Variants in C5orf63 observed in about 807,000 individuals in gnomAD.
The protein encoded by C5orf63 is chromosome 5 open reading frame 63.
In C5orf63, 18 loss-of-function variants were observed where a neutral mutation model predicts 13.3. The ratio of observed to expected loss-of-function variants is 1.36; its 90% CI spans 0.94 to 2.01. C5orf63 has a LOEUF of 2.01. Among genes scored for constraint, C5orf63 ranks in the 30% most tolerant of loss-of-function variants. The probability of loss-of-function intolerance (pLI) is 0.00; values close to 1 mark genes in which losing one functional copy is unlikely to be tolerated. For synonymous variants in C5orf63, 38 were observed against 44.7 expected, an observed-to-expected ratio of 0.85 and a Z score of 0.60; for missense variants, 118 against 127.7, an observed-to-expected ratio of 0.92 and a Z score of 0.36.
intron 3 of C5orf63, among the ~76,000 whole-genome samples, chr5:127,053,541 G>A (rs1340910137): frequency 6.6e-6 from 1 of 151,998 alleles, no homozygotes; most frequent in Non-Finnish European, 1.5e-5. Flanking sequence ...CCATCAACTA[G>A]TCATTTACAT....
chr5:127,055,780 A>C (rs1375659864), intron 3 of C5orf63, among the ~76,000 whole-genome samples: 1 of 152,218 alleles, frequency 6.6e-6, no homozygotes, highest in Non-Finnish European at 1.5e-5. Flanking sequence ...AATTGTGCTA[A>C]AATTTTGCTT....
At chr5:127,054,403 T>C (rs1753799503) in intron 3 of C5orf63, among the ~76,000 whole-genome samples, 1 of 152,150 alleles carries the variant, frequency 6.6e-6, no homozygotes, top group Admixed American at 6.5e-5. Context: ...ACCTGTTGTT[T>C]CCTGCCTTTT....
intron 2 of C5orf63, among the ~76,000 whole-genome samples, chr5:127,065,838 T>C (rs1000244463): frequency 6.6e-6 from 1 of 152,162 alleles, no homozygotes; most frequent in Non-Finnish European, 1.5e-5. Context: ...TATTCAACAA[T>C]TATCTAATAT....
exon 5 of C5orf63, chr5:127,045,581 G>C (rs1261762639): frequency 2.0e-5 from 3 of 152,136 alleles, no homozygotes; most frequent in Non-Finnish European, 4.4e-5. Flanking sequence ...AGTCCTTTAT[G>C]CATATAAGTG....
chr5:127,052,664 T>G lies in C5orf63; in HGVS notation c.120A>C (p.Pro40=). The part of the protein sequence containing the change: ...LPVLTLFTKD[P]CPLCDEAKEV... ...CCTTGGCTTCATCACAAAGGGGGCA[T>G]GGGTCCTACAGGAAGAAAAAAAACC... Residue 40 remains proline (P), a synonymous_variant, in exon 4 of 5, where the codon CCA becomes CCC. Coordinates refer to ENST00000296662, the MANE Select transcript of C5orf63 (RefSeq NM_001164478.2). 4 of 1,508,504 alleles carry G rather than the reference T, an allele frequency of 2.7e-6. No homozygotes were observed. The highest frequency in any genetic ancestry group is 3.5e-6 in the Non-Finnish European group (4 of 1,137,352). The allele number at this position is 1,508,504 out of a possible 1,614,324, so 93.4% of individuals were successfully genotyped here.
intron 4 of C5orf63, 94 bp from the exon 5 acceptor site, chr5:127,052,041 C>T (rs1753696363): frequency 9.9e-7 from 1 of 1,014,494 alleles, no homozygotes; most frequent in Non-Finnish European, 1.3e-6. Context: ...TTTCTAATGC[C>T]ATTTTCCTTA....
chr5:127,063,835 A>T (rs1754203314), intron 2 of C5orf63, among the ~76,000 whole-genome samples: 1 of 152,144 alleles, frequency 6.6e-6, no homozygotes, highest in Admixed American at 6.6e-5. Flanking sequence ...TTTCCCATTT[A>T]TTACTATCTA....
chr5:127,047,699 T>C (rs1004768464), downstream of C5orf63: 2 of 703,840 alleles, frequency 2.8e-6, no homozygotes, highest in Non-Finnish European at 5.2e-6. Flanking sequence ...CAACAGGTCA[T>C]ATCAGGACTC....
In C5orf63 at chr5:127,051,758, A is replaced by T; in HGVS notation, c.*13T>A. 1 of 1,483,074 alleles carries T rather than the reference A, an allele frequency of 6.7e-7. No homozygotes were observed. Among genetic ancestry groups the T allele is most frequent in the Non-Finnish European group, 8.9e-7 (1 of 1,122,332 alleles). 91.9% of individuals were successfully genotyped at this position (1,483,074 alleles called of 1,614,324 possible). ...TTATGGGAAGAGAGGGTGGAAAATCATGAGGGCATCAGTCAGCCTCCAGTA... is the reference window on the plus strand; with the variant it reads ...TTATGGGAAGAGAGGGTGGAAAATCTTGAGGGCATCAGTCAGCCTCCAGTA... On this transcript the variant is annotated 3_prime_UTR_variant, in exon 5 of 5. Transcript: ENST00000296662.
At chr5:127,066,191 A>G (rs1395502722) in intron 2 of C5orf63, among the ~76,000 whole-genome samples, 1 of 152,100 alleles carries the variant, frequency 6.6e-6, no homozygotes, top group Non-Finnish European at 1.5e-5. Context: ...CAATCAGGAG[A>G]CGAGATTAAC....
chr5:127,047,817 G>A (rs1259782452), downstream of C5orf63: 1 of 703,938 alleles, frequency 1.4e-6, no homozygotes, highest in Admixed American at 2.0e-5. Context: ...AAGTTAAGTT[G>A]TATCTTTTCC....
chr5:127,049,835 G>C (rs539942421), downstream of C5orf63, among the ~76,000 whole-genome samples: 25 of 152,324 alleles, frequency 1.6e-4, no homozygotes, highest in African/African-American at 6.0e-4. Flanking sequence ...GGTCAAGGCT[G>C]CAGTTCTCAT....
chr5:127,065,554 G>A (rs948902687), intron 2 of C5orf63, among the ~76,000 whole-genome samples: 3 of 152,154 alleles, frequency 2.0e-5, no homozygotes, highest in African/African-American at 7.2e-5. Flanking sequence ...ACCTTGAACG[G>A]GGTAAAGAGA....
intron 3 of C5orf63, among the ~76,000 whole-genome samples, chr5:127,053,044 C>A (rs1474050179): frequency 6.6e-6 from 1 of 152,172 alleles, no homozygotes; most frequent in Non-Finnish European, 1.5e-5. Context: ...GCTGACACCA[C>A]GAGGATGGCT....
intron 2 of C5orf63, among the ~76,000 whole-genome samples, chr5:127,067,990 C>T (rs1003140362): frequency 1.4e-4 from 22 of 152,008 alleles, no homozygotes; most frequent in African/African-American, 4.4e-4. Flanking sequence ...ATAGAGTTTC[C>T]GTTGAAATTC....
At chr5:127,059,903 T>C (rs985745485) in intron 2 of C5orf63, among the ~76,000 whole-genome samples, 4 of 152,042 alleles carry the variant, frequency 2.6e-5, no homozygotes, top group African/African-American at 9.7e-5. Context: ...CCCAGCACTT[T>C]GGGAGGCCAA....
At chr5:127,056,070 C>A (rs1753875147) in intron 3 of C5orf63, among the ~76,000 whole-genome samples, 1 of 152,192 alleles carries the variant, frequency 6.6e-6, no homozygotes, top group Non-Finnish European at 1.5e-5. Context: ...CCACCACCCA[C>A]TTCCCTTTCT....
chr5:127,048,597 G>C (rs1753580616), downstream of C5orf63, among the ~76,000 whole-genome samples: 1 of 152,102 alleles, frequency 6.6e-6, no homozygotes, highest in Middle Eastern at 3.4e-3. Context: ...ACATGATCTA[G>C]TATTTCCTTG....
intron 3 of C5orf63, among the ~76,000 whole-genome samples, chr5:127,056,786 A>G (rs1753904041): frequency 6.6e-6 from 1 of 152,228 alleles, no homozygotes. Flanking sequence ...GAGCAACTCC[A>G]AAATCTTTTT....
Sources: allele counts gnomAD v4.1 joint callset (sites outside exome capture counted in the v4.1 genomes callset), GRCh38; gene constraint gnomAD v4.1.1; transcripts MANE v1.5; gene names NCBI Gene and HGNC (gene_info 2026-07-23, HGNC 2026-07-21).